ESRRG: variants seen among roughly 807,000 people sequenced by gnomAD.
ESRRG encodes estrogen related receptor gamma.
A neutral mutation model predicts 44.0 loss-of-function variants in ESRRG; 13 were observed. That is an observed-to-expected ratio of 0.30 (90% confidence interval 0.19 to 0.47). The LOEUF (loss-of-function observed/expected upper bound fraction) is 0.47. Among genes scored for constraint, ESRRG ranks in the 20% least tolerant of loss-of-function variants. The pLI is 1.00. For missense variants in ESRRG, 395 were observed against 580.6 expected (o/e 0.68, Z 3.29); for synonymous variants, 215 against 214.6 (o/e 1.00, Z -0.02).
At chr1:216,983,806 A>G (rs2150416629) in intron 1 of ESRRG, among the ~76,000 whole-genome samples, 1 of 151,998 alleles carries the variant, frequency 6.6e-6, no homozygotes, top group East Asian at 1.9e-4. Flanking sequence ...ATTATAAAAA[A>G]TGCATTCTTC....
At position 216,515,432 on chromosome 1, in the gene ESRRG, A is replaced by G. The variant is rs975108494; in HGVS notation, c.1132+3720T>C. 3.3e-5 allele frequency among the ~76,000 whole-genome samples: 5 copies of G among 152,100 alleles called. No homozygotes were observed. In the South Asian group the frequency reaches 1.0e-3, roughly 31 times the overall value. On this transcript the variant is annotated intron_variant, in intron 6 of 6. Coordinates refer to ENST00000408911, the MANE Select transcript of ESRRG (RefSeq NM_001438.4). ...ACCTATATGAGAGTCCAAATATCCT[A>G]ATTAAATATGGTGCCCATTCCAGTA...
chr1:216,723,380 T>C lies in ESRRG; in HGVS notation c.-81A>G, dbSNP rs2086790875. 1 of 1,353,548 alleles carries C rather than the reference T, an allele frequency of 7.4e-7. No homozygotes were observed. The highest frequency in any genetic ancestry group is 1.1e-6 in the Non-Finnish European group (1 of 944,984). The allele number at this position is 1,353,548 out of a possible 1,614,324, so 83.8% of individuals were successfully genotyped here. A position where few individuals can be genotyped will look rare whatever the true frequency, so the allele number is the denominator to read the frequency against. ...CAGAGCACAGTGCAATTAACACAAA[T>C]GTTCTCCTAGTGACAAGCCTATAGG... On this transcript the variant is annotated 5_prime_UTR_variant, in exon 1 of 7. Coordinates refer to ENST00000408911, the MANE Select transcript of ESRRG (RefSeq NM_001438.4).
At chr1:217,106,969 A>C (rs2092605307) in intron 1 of ESRRG, among the ~76,000 whole-genome samples, 1 of 152,204 alleles carries the variant, frequency 6.6e-6, no homozygotes, top group African/African-American at 2.4e-5. Context: ...ACCTGGAACA[A>C]AACAACCTTT....
intron 6 of ESRRG, among the ~76,000 whole-genome samples, chr1:216,516,636 T>TACACACACACATACACACAC (rs2044351235): frequency 7.7e-6 from 1 of 130,376 alleles, no homozygotes; most frequent in Non-Finnish European, 1.6e-5. Flanking sequence ...CACACACACA[T>TACACACACACATACACACAC]ACACACACAC....
chr1:216,737,347 T>G lies in ESRRG; in HGVS notation c.-13-59856A>C, dbSNP rs2090089033. On this transcript the variant is annotated intron_variant, in intron 2 of 7. Coordinates refer to the ESRRG transcript ENST00000359162. ...CAGGTGGGCTGGTGGGTTAAAGTCT[T>G]GTATGTCTCAGTTTCCTCATTTTTA... is the stretch of plus-strand genomic sequence containing the variant. Among the ~76,000 whole-genome samples, 3 of 152,174 alleles carry G rather than the reference T, an allele frequency of 2.0e-5. No homozygotes were observed. In the South Asian group the frequency reaches 6.2e-4, roughly 32 times the overall value.
At chr1:216,980,597 A>C (rs2073790200) in intron 1 of ESRRG, among the ~76,000 whole-genome samples, 1 of 152,086 alleles carries the variant, frequency 6.6e-6, no homozygotes, top group South Asian at 2.1e-4. Context: ...CTCATCCAGG[A>C]TCACTGCAAT....
intron 5 of ESRRG, among the ~76,000 whole-genome samples, chr1:216,557,151 T>C (rs1203631151): frequency 2.0e-5 from 3 of 152,196 alleles, no homozygotes; most frequent in Admixed American, 2.0e-4. Flanking sequence ...TCAGTAAAAC[T>C]TGTAATCAGG....
rs1024692755 is a variant in ESRRG, at chr1:216,620,354, A to G, written c.589+30619T>C. Among the ~76,000 whole-genome samples, 10 of 152,338 alleles carry G rather than the reference A, an allele frequency of 6.6e-5. No homozygotes were observed. The South Asian group carries it at 1.9e-3, about 28-fold the overall frequency. ...TTGTAAACCATCAGTATTATCTAAT[A>G]TATTTTAGACCCGTCCACCACCACA... On this transcript the variant is annotated intron_variant, in intron 3 of 6. Coordinates refer to ENST00000408911, the MANE Select transcript of ESRRG (RefSeq NM_001438.4).
At position 216,516,890 on chromosome 1, in the gene ESRRG, A is replaced by C. The variant is rs954217328; in HGVS notation, c.1132+2262T>G. Among the ~76,000 whole-genome samples, 7 of 152,142 alleles carry C rather than the reference A, an allele frequency of 4.6e-5. No homozygotes were observed. The East Asian group carries it at 5.8e-4, about 13-fold the overall frequency. On this transcript the variant is annotated intron_variant, in intron 6 of 6. Transcript: ENST00000408911. ...AACATCATATTAACAATATCAAAGAAAATGACTTTCTGAGTTGTTTACCCC... is the reference window on the plus strand; with the variant it reads ...AACATCATATTAACAATATCAAAGACAATGACTTTCTGAGTTGTTTACCCC...
chr1:216,942,775 G>C (rs1225160952), intron 1 of ESRRG, among the ~76,000 whole-genome samples: 2 of 151,878 alleles, frequency 1.3e-5, no homozygotes, highest in Non-Finnish European at 2.9e-5. Flanking sequence ...TTTTTTTCTT[G>C]TTCAGTTGTT....
At chr1:216,587,863 G>A (rs2056942895) in intron 3 of ESRRG, among the ~76,000 whole-genome samples, 1 of 152,156 alleles carries the variant, frequency 6.6e-6, no homozygotes, top group Non-Finnish European at 1.5e-5. Context: ...TGCAAGCAGT[G>A]CATTATTGCT....
chr1:216,533,558 A>C (rs760883236), intron 5 of ESRRG, among the ~76,000 whole-genome samples: 2 of 152,124 alleles, frequency 1.3e-5, no homozygotes, highest in Non-Finnish European at 2.9e-5. Flanking sequence ...GAATTTTTCA[A>C]AGAAAAGAAA....
At chr1:216,551,857 T>C (rs1449791664) in intron 5 of ESRRG, among the ~76,000 whole-genome samples, 2 of 152,196 alleles carry the variant, frequency 1.3e-5, no homozygotes, top group East Asian at 3.9e-4. Flanking sequence ...TTGTCTTTAC[T>C]ATTTAGCTCT....
intron 1 of ESRRG, among the ~76,000 whole-genome samples, chr1:217,076,656 C>T (rs951759968): frequency 2.0e-5 from 3 of 152,062 alleles, no homozygotes; most frequent in African/African-American, 7.2e-5. Context: ...TTCAGAAAGA[C>T]TGAGTTTACG....
rs535392805 is a variant in ESRRG, at chr1:216,784,490, T to C, written c.-13-106999A>G. 2.6e-5 allele frequency among the ~76,000 whole-genome samples: 4 copies of C among 152,118 alleles called. No homozygotes were observed. The East Asian group carries it at 7.8e-4, about 30-fold the overall frequency. ...CTAGAATATATGGGTAAAAGATACA[T>C]ATAAAGCACTAGATTAAGATTCTGA... is the stretch of plus-strand genomic sequence containing the variant. On this transcript the variant is annotated intron_variant, in intron 2 of 7. Coordinates refer to the ESRRG transcript ENST00000359162.
At chr1:216,709,639 T>A (rs998500280) in intron 1 of ESRRG, among the ~76,000 whole-genome samples, 2 of 152,052 alleles carry the variant, frequency 1.3e-5, no homozygotes, top group African/African-American at 4.8e-5. Context: ...ACAGACCCCT[T>A]TATTAACTAT....
chr1:217,034,460 C>G (rs1454935513), intron 1 of ESRRG, among the ~76,000 whole-genome samples: 1 of 152,154 alleles, frequency 6.6e-6, no homozygotes, highest in African/African-American at 2.4e-5. Flanking sequence ...ACTCCTGGGT[C>G]TAGCTCGGAT....
At chr1:216,973,916 A>C (rs79613357) in intron 1 of ESRRG, among the ~76,000 whole-genome samples, 2,052 of 152,020 alleles carry the variant, frequency 0.013, 41 homozygotes, top group African/African-American at 0.042. Context: ...ATTCTTAAAA[A>C]CCCATAAGCG....
At chr1:216,852,891 T>C (rs2095863592) in intron 2 of ESRRG, among the ~76,000 whole-genome samples, 5 of 152,134 alleles carry the variant, frequency 3.3e-5, no homozygotes. Flanking sequence ...CACATTTGAG[T>C]CACTCTGACT....
Sources: gnomAD v4.1 joint callset for allele counts (sites outside exome capture counted in the v4.1 genomes callset) on GRCh38, gnomAD v4.1.1 for gene constraint, MANE v1.5 for transcripts, NCBI Gene and HGNC (gene_info 2026-07-23, HGNC 2026-07-21) for gene names.